Variants in GRID2 observed in about 807,000 individuals in gnomAD.
GRID2 encodes glutamate ionotropic receptor delta type subunit 2, also known as glutamate receptor ionotropic, delta-2.
A neutral mutation model predicts 114.8 loss-of-function variants in GRID2; 33 were observed. The ratio of observed to expected loss-of-function variants is 0.29; its 90% confidence interval spans 0.22 to 0.38. GRID2 has a LOEUF of 0.38. Ranked by LOEUF, GRID2 falls within the 10% of genes least tolerant of loss-of-function variation. GRID2 has a pLI of 1.00. For synonymous variants in GRID2, 505 were observed against 449.9 expected, an observed-to-expected ratio of 1.12 and a Z score of -1.55; for missense variants, 1,184 against 1,257.7, an observed-to-expected ratio of 0.94 and a Z score of 0.89.
chr4:93,681,226 G>C (rs1217259969), intron 14 of GRID2, among the ~76,000 whole-genome samples: 6 of 151,536 alleles, frequency 4.0e-5, no homozygotes, highest in Admixed American at 3.9e-4. Flanking sequence ...TACAAGGGAC[G>C]TGAAGGACCT....
intron 1 of GRID2, among the ~76,000 whole-genome samples, chr4:92,483,293 G>A (rs529231529): frequency 3.3e-5 from 5 of 152,042 alleles, no homozygotes; most frequent in South Asian, 2.1e-4. Flanking sequence ...AGCCAAGGTC[G>A]TGCCACTGCA....
intron 1 of GRID2, among the ~76,000 whole-genome samples, chr4:92,447,102 T>G (rs1298325220): frequency 6.6e-6 from 1 of 152,220 alleles, no homozygotes; most frequent in Non-Finnish European, 1.5e-5. Flanking sequence ...TTTAATATTT[T>G]AAAACAACCA....
chr4:92,776,541 T>C (rs1738805961), intron 2 of GRID2, among the ~76,000 whole-genome samples: 1 of 152,052 alleles, frequency 6.6e-6, no homozygotes, highest in Non-Finnish European at 1.5e-5. Context: ...ATTACATTAT[T>C]GAGTTGCATA....
intron 14 of GRID2, among the ~76,000 whole-genome samples, chr4:93,714,548 C>T (rs1268040828): frequency 6.6e-6 from 1 of 152,132 alleles, no homozygotes; most frequent in Admixed American, 6.6e-5. Context: ...CTAATTTACA[C>T]TCCCACCAAC....
chr4:92,754,265 G>A (rs1001971264), intron 2 of GRID2, among the ~76,000 whole-genome samples: 1 of 152,150 alleles, frequency 6.6e-6, no homozygotes, highest in Non-Finnish European at 1.5e-5. Flanking sequence ...GAACAGTTCA[G>A]GAGTCAGTAT....
intron 4 of GRID2, among the ~76,000 whole-genome samples, chr4:93,205,067 G>A (rs972520845): frequency 9.2e-5 from 14 of 151,912 alleles, no homozygotes; most frequent in African/African-American, 2.9e-4. Flanking sequence ...TTAGTTTCTA[G>A]TTTGAAGTCT....
chr4:92,471,647 A>G (rs924989862), intron 1 of GRID2, among the ~76,000 whole-genome samples: 10 of 149,382 alleles, frequency 6.7e-5, no homozygotes, highest in African/African-American at 1.2e-4. Context: ...ACTAACTTAA[A>G]CAAATTTAAA....
chr4:93,554,688 A>G (rs1021458604), intron 13 of GRID2, among the ~76,000 whole-genome samples: 1 of 152,008 alleles, frequency 6.6e-6, no homozygotes, highest in Non-Finnish European at 1.5e-5. Context: ...TCTAACCTCA[A>G]TCTCCTGAGC....
At chr4:92,410,409 AT>A (rs768217881) in intron 1 of GRID2, among the ~76,000 whole-genome samples, 58 of 152,212 alleles carry the variant, frequency 3.8e-4, no homozygotes, top group Non-Finnish European at 4.9e-4. Context: ...TAGTTGAGAG[AT>A]ACAATTCATA....
chr4:93,672,793 T>C (rs1182953191), intron 14 of GRID2, among the ~76,000 whole-genome samples: 1 of 152,214 alleles, frequency 6.6e-6, no homozygotes, highest in East Asian at 1.9e-4. Flanking sequence ...CAGGACAGTG[T>C]TGCCTGATGG....
chr4:92,745,689 T>C (rs893770766), intron 2 of GRID2, among the ~76,000 whole-genome samples: 4 of 152,138 alleles, frequency 2.6e-5, no homozygotes, highest in African/African-American at 9.7e-5. Flanking sequence ...TTGAGCATAT[T>C]CTAAGTTGAA....
intron 1 of GRID2, among the ~76,000 whole-genome samples, chr4:93,795,817 T>A (rs919266168): frequency 6.6e-6 from 1 of 152,194 alleles, no homozygotes; most frequent in Non-Finnish European, 1.5e-5. Context: ...AAAGGTAGAT[T>A]GTTTTGACTT....
At chr4:93,386,194 C>T (rs984248224) in intron 8 of GRID2, among the ~76,000 whole-genome samples, 6 of 152,110 alleles carry the variant, frequency 3.9e-5, no homozygotes, top group African/African-American at 1.4e-4. Context: ...AAAATGACAG[C>T]AGTTTCTAGA....
intron 1 of GRID2, among the ~76,000 whole-genome samples, chr4:92,370,433 C>T (rs1019986796): frequency 2.0e-5 from 3 of 152,038 alleles, no homozygotes; most frequent in East Asian, 1.9e-4. Flanking sequence ...GGGCGGATCA[C>T]GAGGTCAGGA....
intron 2 of GRID2, among the ~76,000 whole-genome samples, chr4:92,929,162 C>T (rs1404016639): frequency 6.6e-6 from 1 of 151,414 alleles, no homozygotes; most frequent in African/African-American, 2.4e-5. Context: ...GGAGCCACAT[C>T]AGCATCAGCT....
chr4:93,085,572 G>T (rs1416258563), intron 3 of GRID2, among the ~76,000 whole-genome samples: 3 of 151,912 alleles, frequency 2.0e-5, no homozygotes, highest in Non-Finnish European at 4.4e-5. Flanking sequence ...TCAACTAATG[G>T]GAATTTAGTC....
chr4:92,786,341 A>G (rs1739319847), intron 2 of GRID2, among the ~76,000 whole-genome samples: 1 of 151,864 alleles, frequency 6.6e-6, no homozygotes, highest in South Asian at 2.1e-4. Context: ...ACCAATATTT[A>G]TCGTGATATC....
rs539964856 is a variant in GRID2, at chr4:92,960,007, A to T, written c.245-124988A>T. 4.4e-3 allele frequency among the ~76,000 whole-genome samples: 667 copies of T among 151,116 alleles called. 4 individuals carry two copies. The highest frequency in any genetic ancestry group is 6.6e-3 in the Non-Finnish European group (446 of 67,624). ...TATCCCAGAACTTAAAGTATAATTT[A>T]AAAAAAAAGGAGAGAAGAGAAAAAA... On this transcript the variant is annotated intron_variant, in intron 2 of 15. Transcript: ENST00000282020.
chr4:92,360,222 T>C (rs539048971), intron 1 of GRID2, among the ~76,000 whole-genome samples: 14 of 152,048 alleles, frequency 9.2e-5, no homozygotes, highest in African/African-American at 3.4e-4. Flanking sequence ...GGCTCAAGCT[T>C]CTCTTTTTAA....
Sources: gnomAD v4.1 joint callset for allele counts (sites outside exome capture counted in the v4.1 genomes callset) on GRCh38, gnomAD v4.1.1 for gene constraint, MANE v1.5 for transcripts, NCBI Gene and HGNC (gene_info 2026-07-23, HGNC 2026-07-21) for gene names.